Variants in CNTN6 observed in about 807,000 individuals in gnomAD.
CNTN6 encodes the protein contactin-6.
Under a neutral mutation model 122.8 loss-of-function variants are expected in CNTN6, and 137 were observed. The ratio of observed to expected loss-of-function variants is 1.12; its 90% CI spans 0.97 to 1.29. The LOEUF is 1.29. Ranked by LOEUF, CNTN6 falls within the 50% of genes most tolerant of loss-of-function variation. CNTN6 has a pLI of 0.00. For synonymous variants in CNTN6, 570 were observed against 426.0 expected (o/e 1.34, Z -4.16); for missense variants, 1,634 against 1,223.4 (o/e 1.34, Z -5.01).
chr3:1,226,436 G>T (rs1246945345), intron 3 of CNTN6, among the ~76,000 whole-genome samples: 1 of 152,084 alleles, frequency 6.6e-6, no homozygotes, highest in African/African-American at 2.4e-5. Flanking sequence ...GAAGCAGGAA[G>T]ATCATTCTCA....
intron 4 of CNTN6, among the ~76,000 whole-genome samples, chr3:1,267,201 G>T (rs765777395): frequency 6.6e-6 from 1 of 152,080 alleles, no homozygotes; most frequent in East Asian, 1.9e-4. Flanking sequence ...TGGATAAAAA[G>T]AAACTGTTTG....
At chr3:1,360,292 T>C (rs1707260368) in intron 12 of CNTN6, among the ~76,000 whole-genome samples, 1 of 152,066 alleles carries the variant, frequency 6.6e-6, no homozygotes, top group South Asian at 2.1e-4. Context: ...TTCTCTAGAA[T>C]TCTGTTTTCT....
chr3:1,112,958 A>G (rs901603178), intron 1 of CNTN6, among the ~76,000 whole-genome samples: 5 of 152,210 alleles, frequency 3.3e-5, no homozygotes, highest in African/African-American at 7.2e-5. Context: ...TATTTATAGA[A>G]TAATGAGTAT....
intron 1 of CNTN6, among the ~76,000 whole-genome samples, chr3:1,143,577 A>C (rs115703337): frequency 0.012 from 1,875 of 152,252 alleles, 47 homozygotes; most frequent in African/African-American, 0.042. Context: ...GAATATTTCT[A>C]CTCGATTCTG....
At chr3:1,235,232 C>A (rs1368179682) in intron 4 of CNTN6, among the ~76,000 whole-genome samples, 5 of 152,076 alleles carry the variant, frequency 3.3e-5, no homozygotes, top group Admixed American at 3.3e-4. Flanking sequence ...GTAGGGGATC[C>A]ATTCTATCAA....
chr3:1,115,972 G>A (rs1271373159), intron 1 of CNTN6, among the ~76,000 whole-genome samples: 1 of 152,116 alleles, frequency 6.6e-6, no homozygotes, highest in Non-Finnish European at 1.5e-5. Flanking sequence ...GAATGCTAAA[G>A]AATTTTTAAT....
intron 1 of CNTN6, among the ~76,000 whole-genome samples, chr3:1,119,194 T>TG (rs2091852105): frequency 6.9e-6 from 1 of 145,708 alleles, no homozygotes; most frequent in African/African-American, 2.6e-5. Flanking sequence ...GATTTCAGGT[T>TG]TTTTTTTTTT....
At chr3:1,197,950 TA>T (rs2093802530) in intron 2 of CNTN6, among the ~76,000 whole-genome samples, 1 of 152,058 alleles carries the variant, frequency 6.6e-6, no homozygotes, top group South Asian at 2.1e-4. Context: ...TACTTCACAT[TA>T]AAAAAATTAC....
At chr3:1,291,372 T>C (rs1400794746) in intron 5 of CNTN6, among the ~76,000 whole-genome samples, 1 of 152,118 alleles carries the variant, frequency 6.6e-6, no homozygotes, top group African/African-American at 2.4e-5. Flanking sequence ...AAAAATGAAT[T>C]CACCAGGGGA....
At chr3:1,220,007 A>T (rs796387948) in intron 2 of CNTN6, among the ~76,000 whole-genome samples, 192 of 94,488 alleles carry the variant, frequency 2.0e-3, no homozygotes, top group African/African-American at 0.01. Flanking sequence ...GTCTCAAAAA[A>T]TAAAAAGAAA....
intron 2 of CNTN6, among the ~76,000 whole-genome samples, chr3:1,165,708 G>A (rs1413376922): frequency 6.6e-6 from 1 of 152,176 alleles, no homozygotes; most frequent in African/African-American, 2.4e-5. Context: ...CATGAGATGT[G>A]CATTACTATT....
intron 1 of CNTN6, among the ~76,000 whole-genome samples, chr3:1,122,994 A>G (rs1248985357): frequency 1.3e-5 from 2 of 151,780 alleles, no homozygotes; most frequent in East Asian, 3.9e-4. Flanking sequence ...TTCTATGTGG[A>G]GTTTTTTGGA....
chr3:1,263,331 T>C (rs1575469897), intron 4 of CNTN6, among the ~76,000 whole-genome samples: 1 of 152,212 alleles, frequency 6.6e-6, no homozygotes, highest in African/African-American at 2.4e-5. Flanking sequence ...ATAAGCAAGC[T>C]TTCCATCTGT....
rs565863293 is a variant in CNTN6, at chr3:1,187,279, T to G, written c.56-33408T>G. ...ACACCAGTTCTATCCATACATACTT[T>G]TTTTTTTTCTTTCTGACACCTTCAC... On this transcript the variant is annotated intron_variant, in intron 2 of 22. Coordinates refer to ENST00000446702, the MANE Select transcript of CNTN6 (RefSeq NM_001289080.2). 2.0e-4 allele frequency among the ~76,000 whole-genome samples: 31 copies of G among 152,220 alleles called. No individual in the cohort carries two copies. The South Asian group carries it at 6.4e-3, about 32-fold the overall frequency.
intron 4 of CNTN6, among the ~76,000 whole-genome samples, chr3:1,246,011 G>A (rs2094578663): frequency 6.6e-6 from 1 of 152,148 alleles, no homozygotes. Context: ...CATGCAGCCT[G>A]AGGGCTGTAG....
intron 4 of CNTN6, among the ~76,000 whole-genome samples, chr3:1,270,606 A>T (rs1464356702): frequency 6.6e-6 from 1 of 152,220 alleles, no homozygotes; most frequent in Non-Finnish European, 1.5e-5. Flanking sequence ...GTGCTCCAAC[A>T]TCTTGTTTAC....
At chr3:1,305,727 A>G (rs1047574528) in intron 7 of CNTN6, among the ~76,000 whole-genome samples, 5 of 152,130 alleles carry the variant, frequency 3.3e-5, no homozygotes, top group African/African-American at 7.2e-5. Flanking sequence ...TGTAAATAAC[A>G]TTAGTAGCAG....
intron 4 of CNTN6, among the ~76,000 whole-genome samples, chr3:1,242,971 TAAG>T (rs1347527008): frequency 1.3e-5 from 2 of 152,092 alleles, no homozygotes; most frequent in Admixed American, 6.5e-5. Flanking sequence ...CCGTATTGAT[TAAG>T]AAGGGGACGG....
At chr3:1,138,581 T>C (rs1425569568) in intron 1 of CNTN6, among the ~76,000 whole-genome samples, 3 of 152,096 alleles carry the variant, frequency 2.0e-5, no homozygotes, top group Non-Finnish European at 4.4e-5. Flanking sequence ...TTTTCTGTAG[T>C]GTGACCACTT....
Sources: gnomAD v4.1 joint callset for allele counts (sites outside exome capture counted in the v4.1 genomes callset) on GRCh38, gnomAD v4.1.1 for gene constraint, MANE v1.5 for transcripts, NCBI Gene and HGNC (gene_info 2026-07-23, HGNC 2026-07-21) for gene names.